Variants in CAMTA1 observed in about 807,000 individuals in gnomAD.
The protein encoded by CAMTA1 is calmodulin-binding transcription activator 1.
In CAMTA1, 27 loss-of-function variants were observed where a neutral mutation model predicts 170.9. The ratio of observed to expected loss-of-function variants is 0.16; its 90% confidence interval spans 0.12 to 0.22. The LOEUF (loss-of-function observed/expected upper bound fraction) is 0.22. CAMTA1 is among the 10% of genes least tolerant of loss of function. The probability of loss-of-function intolerance (pLI) is 1.00; values close to 1 mark genes in which losing one functional copy is unlikely to be tolerated. For synonymous variants in CAMTA1, 833 were observed against 891.5 expected (o/e 0.93, Z 1.17); for missense variants, 1,619 against 2,217.2 (o/e 0.73, Z 5.42).
At chr1:7,607,520 G>A (rs2095495903) in intron 6 of CAMTA1, among the ~76,000 whole-genome samples, 1 of 152,024 alleles carries the variant, frequency 6.6e-6, no homozygotes, top group African/African-American at 2.4e-5. Context: ...GTAAGTGGAG[G>A]GGTTGATGGA....
rs1310290670 is a variant in CAMTA1, at chr1:7,736,082, T to C, written c.3067-262T>C. The stretch of plus-strand genomic sequence containing the variant: ...GAGCCACTGTGCGCAGCCTAAATTT[T>C]GTACTTTTTGTAGAGACAGGGTCTC... On this transcript the variant is annotated intron_variant, in intron 12 of 22. Transcript: ENST00000303635. This position sits in a 1 kb window ranked among gnomAD's most constrained non-coding sequence, Gnocchi z 4.5. Among the ~76,000 whole-genome samples, 1 of 151,910 alleles carries C rather than the reference T, an allele frequency of 6.6e-6. No homozygotes were observed. Among genetic ancestry groups the C allele is most frequent in the East Asian group, 1.9e-4 (1 of 5,182 alleles).
intron 4 of CAMTA1, among the ~76,000 whole-genome samples, chr1:7,114,021 G>A (rs912940459): frequency 3.9e-5 from 6 of 152,080 alleles, no homozygotes; most frequent in Admixed American, 2.0e-4. Context: ...TGTAACCCAC[G>A]AGCCTGCTGC....
chr1:6,871,804 A>AC (rs1332151396), intron 3 of CAMTA1: 1 of 1,531,734 alleles, frequency 6.5e-7, no homozygotes, highest in Non-Finnish European at 8.7e-7. Context: ...ATAATGTGTG[A>AC]CCCTTCACCT....
intron 5 of CAMTA1, among the ~76,000 whole-genome samples, chr1:7,302,407 C>T (rs966752013): frequency 6.6e-6 from 1 of 152,160 alleles, no homozygotes; most frequent in African/African-American, 2.4e-5. Context: ...TTTTCATCCC[C>T]TGTTTTATGC....
intron 3 of CAMTA1, among the ~76,000 whole-genome samples, chr1:6,994,993 A>G (rs975082771): frequency 6.6e-6 from 1 of 152,238 alleles, no homozygotes; most frequent in Non-Finnish European, 1.5e-5. Flanking sequence ...CTGAAAATCT[A>G]TGCCTTTCAA....
chr1:7,385,638 T>A (rs2087870842), intron 5 of CAMTA1, among the ~76,000 whole-genome samples: 1 of 151,800 alleles, frequency 6.6e-6, no homozygotes, highest in East Asian at 1.9e-4. Flanking sequence ...CAGGAAAAAA[T>A]GAGGCTGCAG....
chr1:7,504,155 G>A (rs529313072), intron 6 of CAMTA1, among the ~76,000 whole-genome samples: 6 of 152,170 alleles, frequency 3.9e-5, no homozygotes, highest in African/African-American at 7.2e-5. Flanking sequence ...TGCGGGGAAC[G>A]GGTGGGGACT....
chr1:7,670,811 C>G, intron 9 of CAMTA1, 100 bp from the exon 10 acceptor site: 1 of 1,380,352 alleles, frequency 7.2e-7, no homozygotes, highest in South Asian at 1.3e-5. Flanking sequence ...GCGAGGGGTA[C>G]AGACCCCCAT....
At chr1:7,019,425 C>T (rs947848367) in intron 3 of CAMTA1, among the ~76,000 whole-genome samples, 24 of 152,188 alleles carry the variant, frequency 1.6e-4, no homozygotes, top group Non-Finnish European at 2.9e-4. Flanking sequence ...TCAGCATGAT[C>T]CTCCATGTGG....
At chr1:7,653,201 T>C (rs573010211) in intron 7 of CAMTA1, among the ~76,000 whole-genome samples, 2 of 152,312 alleles carry the variant, frequency 1.3e-5, no homozygotes, top group South Asian at 2.1e-4. Context: ...CAGGAGAGTG[T>C]CTGGCCCCGT....
chr1:6,854,736 A>G (rs1372068915), intron 3 of CAMTA1, among the ~76,000 whole-genome samples: 1 of 152,240 alleles, frequency 6.6e-6, no homozygotes, highest in Non-Finnish European at 1.5e-5. Flanking sequence ...ATAAATCACT[A>G]AATTAATAGA....
At chr1:7,336,730 C>A (rs947941112) in intron 5 of CAMTA1, among the ~76,000 whole-genome samples, 1 of 152,208 alleles carries the variant, frequency 6.6e-6, no homozygotes, top group African/African-American at 2.4e-5. Flanking sequence ...TCCTTGATCG[C>A]ATTTCTCTGT....
At chr1:7,523,870 G>A (rs1378903398) in intron 6 of CAMTA1, among the ~76,000 whole-genome samples, 3 of 146,272 alleles carry the variant, frequency 2.1e-5, no homozygotes, top group Non-Finnish European at 3.0e-5. Flanking sequence ...ACGACAGAGT[G>A]AGACTCTATC....
At chr1:7,149,003 G>GACACAC (rs1445212677) in intron 4 of CAMTA1, among the ~76,000 whole-genome samples, 6 of 152,376 alleles carry the variant, frequency 3.9e-5, no homozygotes, top group African/African-American at 1.4e-4. Context: ...AGTGGAGTGG[G>GACACAC]GCTTCCTGCC....
intron 3 of CAMTA1, among the ~76,000 whole-genome samples, chr1:6,912,002 C>T (rs1424063554): frequency 2.0e-5 from 3 of 152,220 alleles, no homozygotes; most frequent in Non-Finnish European, 4.4e-5. Context: ...TCTTTCCCTC[C>T]CCTTCCCTCT....
rs932706368 is a variant in CAMTA1, at chr1:7,570,820, T to C, written c.511-69580T>C. 6.6e-6 allele frequency among the ~76,000 whole-genome samples: 1 copy of C among 152,108 alleles called. No homozygotes were observed. The highest frequency in any genetic ancestry group is 2.4e-5 in the African/African-American group (1 of 41,430). On this transcript the variant is annotated intron_variant, in intron 6 of 22. Coordinates refer to ENST00000303635, the MANE Select transcript of CAMTA1 (RefSeq NM_015215.4). This position sits in a 1 kb window ranked among gnomAD's most constrained non-coding sequence, Gnocchi z 4.3. ...TTATCATGCGAGGATGGGGATAGGGTACGGAGACTGGAGAGAGCCTGGGAG... is the reference window on the plus strand; with the variant it reads ...TTATCATGCGAGGATGGGGATAGGGCACGGAGACTGGAGAGAGCCTGGGAG...
intron 3 of CAMTA1, among the ~76,000 whole-genome samples, chr1:7,018,589 G>C (rs972799173): frequency 6.6e-6 from 1 of 152,032 alleles, no homozygotes; most frequent in Non-Finnish European, 1.5e-5. Flanking sequence ...AATTATACTA[G>C]ACTAGCAACA....
intron 4 of CAMTA1, among the ~76,000 whole-genome samples, chr1:7,123,670 G>A (rs967668128): frequency 1.3e-5 from 2 of 152,132 alleles, no homozygotes; most frequent in Non-Finnish European, 2.9e-5. Context: ...CTGAGCCCTG[G>A]TCACTGCCCT....
At chr1:6,851,084 G>GA (rs931701135) in intron 3 of CAMTA1, among the ~76,000 whole-genome samples, 2 of 152,194 alleles carry the variant, frequency 1.3e-5, no homozygotes, top group African/African-American at 4.8e-5. Context: ...GAGGATTTAA[G>GA]ACAATGTTAC....
Sources: allele counts gnomAD v4.1 joint callset (sites outside exome capture counted in the v4.1 genomes callset), GRCh38; gene constraint gnomAD v4.1.1; non-coding constraint Gnocchi (gnomAD v3.1); transcripts MANE v1.5; gene names NCBI Gene and HGNC (gene_info 2026-07-23, HGNC 2026-07-21).